The following ZNF716 variants were observed in gnomAD, a reference collection of about 807,000 sequenced individuals.
ZNF716 encodes zinc finger protein 716.
ZNF716 carries 9 observed loss-of-function variants against 13.4 expected under a neutral mutation model. The observed-to-expected ratio is 0.67, with a 90% CI of 0.41 to 1.18. ZNF716 has a LOEUF of 1.18. ZNF716 is among the 50% of genes most tolerant of loss of function. The probability of loss-of-function intolerance (pLI) is 0.01; values close to 1 mark genes in which losing one functional copy is unlikely to be tolerated. For synonymous variants in ZNF716, 186 were observed against 195.2 expected, an observed-to-expected ratio of 0.95 and a Z score of 0.39; for missense variants, 581 against 576.6, an observed-to-expected ratio of 1.01 and a Z score of -0.08.
chr7:57,464,300 T>G (rs1789766202), intron 3 of ZNF716, among the ~76,000 whole-genome samples: 1 of 151,958 alleles, frequency 6.6e-6, no homozygotes, highest in Non-Finnish European at 1.5e-5. Context: ...TTTGTATTTT[T>G]TGTAGAGATG....
chr7:57,464,598 T>A (rs1462392714), intron 3 of ZNF716, among the ~76,000 whole-genome samples: 7 of 152,204 alleles, frequency 4.6e-5, no homozygotes, highest in Non-Finnish European at 1.0e-4. Flanking sequence ...TGAAATTTAG[T>A]TAAATTTTTC....
intron 1 of ZNF716, 144 bp from the exon 2 acceptor site, chr7:57,462,316 T>C: frequency 2.3e-6 from 2 of 863,422 alleles, no homozygotes; most frequent in Non-Finnish European, 3.7e-6. Context: ...TAATGAATAA[T>C]TTTAGTCACT....
intron 2 of ZNF716, 110 bp downstream of exon 2, chr7:57,462,696 A>G: frequency 7.6e-7 from 1 of 1,309,060 alleles, no homozygotes; most frequent in Non-Finnish European, 1.1e-6. Context: ...TCCAGTTTTA[A>G]GAAAATCTTG....
intron 1 of ZNF716, 145 bp from the exon 2 acceptor site, chr7:57,462,315 A>C (rs1554323227): frequency 2.4e-5 from 21 of 863,450 alleles, no homozygotes; most frequent in Non-Finnish European, 2.6e-5. Flanking sequence ...TTAATGAATA[A>C]TTTTAGTCAC....
At chr7:57,450,361 T>G (rs1789464419) in intron 1 of ZNF716, 34 bp downstream of exon 1, 2 of 1,612,856 alleles carry the variant, frequency 1.2e-6, no homozygotes, top group East Asian at 2.2e-5. Flanking sequence ...GAGAGAGGGG[T>G]GGGGGCTGGT....
At position 57,455,122 on chromosome 7, in the gene ZNF716, T is replaced by A. The variant is rs1583715591; in HGVS notation, c.39+4795T>A. On this transcript the variant is annotated intron_variant, in intron 1 of 3. Coordinates refer to ENST00000420713, the MANE Select transcript of ZNF716 (RefSeq NM_001159279.1). The stretch of plus-strand genomic sequence containing the variant: ...GTATAGGCAGACAAGGACTTTCTTT[T>A]ATAGAGAATAGCAAACAAGTTTAGA... 2.0e-5 allele frequency among the ~76,000 whole-genome samples: 3 copies of A among 152,150 alleles called. No homozygotes were observed. The East Asian group carries it at 5.8e-4, about 29-fold the overall frequency.
intron 1 of ZNF716, among the ~76,000 whole-genome samples, chr7:57,455,488 T>G (rs1300814817): frequency 5.3e-5 from 8 of 151,436 alleles, no homozygotes; most frequent in African/African-American, 1.9e-4. Flanking sequence ...CTTAAGCTGT[T>G]GGTGAAGACC....
intron 1 of ZNF716, among the ~76,000 whole-genome samples, chr7:57,459,928 G>T: frequency 6.6e-6 from 1 of 152,140 alleles, no homozygotes; most frequent in Non-Finnish European, 1.5e-5. Flanking sequence ...CTTTCTGCCC[G>T]TGGGTGTGTG....
intron 1 of ZNF716, 37 bp from the exon 2 acceptor site, chr7:57,462,423 T>C: frequency 6.2e-7 from 1 of 1,601,636 alleles, no homozygotes; most frequent in Non-Finnish European, 8.5e-7. Context: ...TGTGTGTTCA[T>C]GAGTGTTTTT....
chr7:57,461,033 G>T (rs1337077950), intron 1 of ZNF716, among the ~76,000 whole-genome samples: 2 of 151,864 alleles, frequency 1.3e-5, no homozygotes, highest in Non-Finnish European at 2.9e-5. Context: ...ACTTTAGGAG[G>T]TCTGGGCAGC....
intron 1 of ZNF716, among the ~76,000 whole-genome samples, chr7:57,460,035 G>C (rs1851774): frequency 0.38 from 58,225 of 151,718 alleles, 11,379 homozygotes; most frequent in East Asian, 0.51. Flanking sequence ...TGCATTTCAG[G>C]GAAAGAGGAG....
chr7:57,467,266 G>A (rs2116423141), intron 3 of ZNF716, among the ~76,000 whole-genome samples: 1 of 152,036 alleles, frequency 6.6e-6, no homozygotes, highest in South Asian at 2.1e-4. Flanking sequence ...AACTAAAAAT[G>A]TTTTCCGCAT....
chr7:57,467,538 G>A lies in ZNF716; in HGVS notation c.263-1186G>A, dbSNP rs190621508. ...TTTCAGCACTTTGACCATTTTGCAC[G>A]TTTTTTTCTGATCTGCAAGGTTTCT... On this transcript the variant is annotated intron_variant, in intron 3 of 3. Coordinates refer to ENST00000420713, the MANE Select transcript of ZNF716 (RefSeq NM_001159279.1). 2.9e-3 allele frequency among the ~76,000 whole-genome samples: 441 copies of A among 151,694 alleles called. 3 individuals are homozygous for A. The highest frequency in any genetic ancestry group is 5.9e-3 in the Admixed American group (90 of 15,238).
chr7:57,465,425 T>C (rs1255428466), intron 3 of ZNF716, among the ~76,000 whole-genome samples: 9 of 152,156 alleles, frequency 5.9e-5, no homozygotes, highest in Non-Finnish European at 1.2e-4. Context: ...CAATCTTGGC[T>C]CACCGCAGCC....
intron 3 of ZNF716, among the ~76,000 whole-genome samples, chr7:57,465,024 T>A (rs1293917971): frequency 2.0e-5 from 3 of 152,200 alleles, no homozygotes; most frequent in African/African-American, 7.2e-5. Flanking sequence ...TCTGTGTTTT[T>A]CATGTGTGTT....
intron 1 of ZNF716, among the ~76,000 whole-genome samples, chr7:57,460,453 G>A (rs1411894300): frequency 2.7e-5 from 4 of 149,094 alleles, no homozygotes; most frequent in East Asian, 2.0e-4. Context: ...CCATGTGTTC[G>A]GAACTTGCAA....
intron 1 of ZNF716, among the ~76,000 whole-genome samples, chr7:57,453,739 G>A (rs1554321835): frequency 6.6e-6 from 1 of 152,210 alleles, no homozygotes; most frequent in Non-Finnish European, 1.5e-5. Flanking sequence ...ACAATAAAAT[G>A]TGTGAGATAA....
At chr7:57,453,160 A>T (rs992130093) in intron 1 of ZNF716, among the ~76,000 whole-genome samples, 2 of 152,158 alleles carry the variant, frequency 1.3e-5, no homozygotes, top group Non-Finnish European at 2.9e-5. Context: ...TGAAGGGAAG[A>T]AAACTACCCC....
chr7:57,463,135 A>G lies in ZNF716; in HGVS notation c.229A>G (p.Ile77Val), dbSNP rs1789739327. ...GGAGCAAAATAAAGAGCCCCAGAAT[A>G]TAAAGAGAAATGAGATGGTAGCCAA... The part of the protein sequence containing the change: ...CLEQNKEPQN[I>V]KRNEMVAKHP... Residue 77 changes from isoleucine to valine, a missense_variant, in exon 3 of 4, where the codon ATA becomes GTA. Physicochemically the swap from Ile to Val is conservative, Grantham distance 29. Transcript: ENST00000420713. The G allele has an allele frequency of 2.5e-6, 4 of 1,609,484 alleles. No homozygotes were observed. Among genetic ancestry groups the G allele is most frequent in the Non-Finnish European group, 3.4e-6 (4 of 1,179,960 alleles).
Sources: allele counts gnomAD v4.1 joint callset (sites outside exome capture counted in the v4.1 genomes callset), GRCh38; gene constraint gnomAD v4.1.1; transcripts MANE v1.5; gene names NCBI Gene and HGNC (gene_info 2026-07-23, HGNC 2026-07-21).